The following KHDRBS3 variants were observed in gnomAD, a reference collection of about 807,000 sequenced individuals.
The protein encoded by KHDRBS3 is KH RNA binding domain containing, signal transduction associated 3.
KHDRBS3 carries 23 observed loss-of-function variants against 45.6 expected under a neutral mutation model. The observed-to-expected ratio is 0.50, with a 90% CI of 0.36 to 0.72. The LOEUF is 0.72. KHDRBS3 is among the 30% of genes least tolerant of loss of function. The probability of loss-of-function intolerance (pLI) is 0.00; values close to 1 mark genes in which losing one functional copy is unlikely to be tolerated. For missense variants in KHDRBS3, 352 were observed against 424.8 expected, an observed-to-expected ratio of 0.83 and a Z score of 1.51; for synonymous variants, 162 against 156.5, an observed-to-expected ratio of 1.04 and a Z score of -0.26.
At chr8:135,564,508 C>T (rs189329657) in intron 5 of KHDRBS3, among the ~76,000 whole-genome samples, 6 of 152,080 alleles carry the variant, frequency 3.9e-5, no homozygotes, top group African/African-American at 1.4e-4. Flanking sequence ...AAATTTGTTC[C>T]TTATTGGTTT....
At chr8:135,637,321 C>G (rs560748876) in intron 7 of KHDRBS3, among the ~76,000 whole-genome samples, 1 of 152,030 alleles carries the variant, frequency 6.6e-6, no homozygotes, top group Non-Finnish European at 1.5e-5. Context: ...ATAAAAATTC[C>G]TAACGGTTAT....
At chr8:135,654,706 G>T (rs1271316406) in intron 4 of KHDRBS3, among the ~76,000 whole-genome samples, 2 of 152,160 alleles carry the variant, frequency 1.3e-5, no homozygotes, top group Non-Finnish European at 2.9e-5. Flanking sequence ...ATTTACATCA[G>T]CAAGTGTATT....
chr8:135,626,504 G>A (rs528901828), intron 7 of KHDRBS3, among the ~76,000 whole-genome samples: 1 of 152,216 alleles, frequency 6.6e-6, no homozygotes. Context: ...TGTTGGAGGA[G>A]TAAAGAGGCA....
chr8:135,505,859 A>G (rs549671592), intron 1 of KHDRBS3, among the ~76,000 whole-genome samples: 1 of 149,162 alleles, frequency 6.7e-6, no homozygotes, highest in South Asian at 2.1e-4. Context: ...TGTAACTGCT[A>G]GAGTTTAGAA....
chr8:135,548,884 A>G lies in KHDRBS3; in HGVS notation c.455A>G (p.Lys152Arg), dbSNP rs1342630661. The G allele has an allele frequency of 1.3e-6, 2 of 1,587,550 alleles. No individual in the cohort carries two copies. Among genetic ancestry groups the G allele is most frequent in the Non-Finnish European group, 1.7e-6 (2 of 1,170,330 alleles). The change falls in exon 4 of 9, where the codon AAA becomes AGA. Residue 152 changes from lysine to arginine, a missense_variant. By Grantham distance (26) the Lys-to-Arg change is conservative. Around this residue, in one of 6 missense-constraint regions of KHDRBS3, gnomAD observed 12 missense variants for 38.0 expected, o/e 0.32. Coordinates refer to ENST00000355849, the MANE Select transcript of KHDRBS3 (RefSeq NM_006558.3). ...ARMGHALEEI[K>R]KFLIPDYNDE... is the part of the protein sequence containing the mutation. ...ATGGGACATGCTTTGGAAGAAATCA[A>G]AAAGTTCCTCATCCCTGTTAGTACC...
At chr8:135,524,689 G>A (rs1268814691) in intron 2 of KHDRBS3, among the ~76,000 whole-genome samples, 2 of 150,222 alleles carry the variant, frequency 1.3e-5, no homozygotes, top group African/African-American at 2.4e-5. Context: ...AAAAGTTTCT[G>A]TGGCTCTGTT....
intron 8 of KHDRBS3, among the ~76,000 whole-genome samples, chr8:135,646,392 T>C (rs1377316603): frequency 2.0e-5 from 3 of 152,206 alleles, no homozygotes; most frequent in African/African-American, 7.2e-5. Flanking sequence ...TCTGACATTA[T>C]GTCGTTAAAT....
At chr8:135,488,152 A>G (rs140069000) in intron 1 of KHDRBS3, among the ~76,000 whole-genome samples, 2 of 152,314 alleles carry the variant, frequency 1.3e-5, no homozygotes, top group African/African-American at 4.8e-5. Flanking sequence ...ATATATAGTT[A>G]TATGTAAAAT....
chr8:135,539,164 C>T (rs1238505004), intron 2 of KHDRBS3: 2 of 152,204 alleles, frequency 1.3e-5, no homozygotes, highest in African/African-American at 4.8e-5. Flanking sequence ...AGGCCTTTGC[C>T]CCTGAGTCCC....
intron 6 of KHDRBS3, among the ~76,000 whole-genome samples, chr8:135,599,915 G>A (rs1829130993): frequency 6.6e-6 from 1 of 151,986 alleles, no homozygotes; most frequent in Admixed American, 6.5e-5. Context: ...CCAAGCAGCA[G>A]TGGCAGGCAC....
chr8:135,546,806 G>A (rs77376452), intron 3 of KHDRBS3, among the ~76,000 whole-genome samples: 1,628 of 152,156 alleles, frequency 0.011, 27 homozygotes, highest in African/African-American at 0.035. Flanking sequence ...TTCAACATCT[G>A]TGTTTTTCTC....
At chr8:135,561,353 C>G (rs1827157769) in intron 5 of KHDRBS3, among the ~76,000 whole-genome samples, 1 of 152,136 alleles carries the variant, frequency 6.6e-6, no homozygotes, top group African/African-American at 2.4e-5. Flanking sequence ...GAGGTGGGCA[C>G]TGTTTTGTTA....
At chr8:135,514,843 G>A (rs373369021) in intron 1 of KHDRBS3, among the ~76,000 whole-genome samples, 10 of 151,948 alleles carry the variant, frequency 6.6e-5, no homozygotes, top group African/African-American at 1.2e-4. Flanking sequence ...AAATGCAGGC[G>A]GCAGATCATA....
intron 1 of KHDRBS3, among the ~76,000 whole-genome samples, chr8:135,489,211 A>G (rs1823017165): frequency 6.6e-6 from 1 of 152,130 alleles, no homozygotes; most frequent in Non-Finnish European, 1.5e-5. Flanking sequence ...CTTACTAGCT[A>G]GACTCTAAAC....
chr8:135,494,602 G>A (rs1430567837), intron 1 of KHDRBS3, among the ~76,000 whole-genome samples: 2 of 152,090 alleles, frequency 1.3e-5, no homozygotes, highest in African/African-American at 4.8e-5. Flanking sequence ...TCTTGAGCCT[G>A]ATTTACTAGT....
intron 2 of KHDRBS3, 27 bp from the exon 3 acceptor site, chr8:135,542,627 A>G (rs948274869): frequency 3.0e-5 from 38 of 1,272,692 alleles, no homozygotes; most frequent in Non-Finnish European, 3.8e-5. Flanking sequence ...TATAAATGCT[A>G]CAAATTTGGT....
chr8:135,655,038 G>T (rs1831504232), intron 4 of KHDRBS3, among the ~76,000 whole-genome samples: 1 of 152,198 alleles, frequency 6.6e-6, no homozygotes. Context: ...TTCATCCCTT[G>T]TATGCTCCTT....
chr8:135,462,324 T>C (rs903162714), intron 1 of KHDRBS3, among the ~76,000 whole-genome samples: 4 of 151,774 alleles, frequency 2.6e-5, no homozygotes, highest in Non-Finnish European at 5.9e-5. Flanking sequence ...TGATTAAAAG[T>C]GACCCAGTGA....
At chr8:135,479,498 T>C (rs911572952) in intron 1 of KHDRBS3, among the ~76,000 whole-genome samples, 1 of 152,190 alleles carries the variant, frequency 6.6e-6, no homozygotes, top group Non-Finnish European at 1.5e-5. Flanking sequence ...GCAACAAAAA[T>C]GTATTGCTCA....
Sources: gnomAD v4.1 joint callset for allele counts (sites outside exome capture counted in the v4.1 genomes callset) on GRCh38, gnomAD v4.1.1 for gene constraint, gnomAD v4.1.1 regional missense constraint, MANE v1.5 for transcripts, NCBI Gene and HGNC (gene_info 2026-07-23, HGNC 2026-07-21) for gene names.